CSMD1: variants seen among roughly 807,000 people sequenced by gnomAD.
The protein encoded by CSMD1 is CUB and sushi domain-containing protein 1.
A neutral mutation model predicts 417.5 loss-of-function variants in CSMD1; 213 were observed. That is an observed-to-expected ratio of 0.51 (90% CI 0.46 to 0.57). The LOEUF is 0.57. Among genes scored for constraint, CSMD1 ranks in the 20% least tolerant of loss-of-function variants. The probability of loss-of-function intolerance (pLI) is 0.00; values close to 1 mark genes in which losing one functional copy is unlikely to be tolerated. For synonymous variants in CSMD1, 2,862 were observed against 1,736.8 expected, an observed-to-expected ratio of 1.65 and a Z score of -16.11; for missense variants, 6,923 against 4,529.7, an observed-to-expected ratio of 1.53 and a Z score of -15.17.
intron 23 of CSMD1, among the ~76,000 whole-genome samples, chr8:3,311,175 G>C (rs1243532553): frequency 3.3e-5 from 5 of 152,158 alleles, no homozygotes; most frequent in Admixed American, 6.5e-5. Context: ...TATAGTTGTG[G>C]AAAATCATCT....
chr8:3,942,787 G>A (rs1810969526), intron 5 of CSMD1, among the ~76,000 whole-genome samples: 1 of 152,108 alleles, frequency 6.6e-6, no homozygotes, highest in South Asian at 2.1e-4. Flanking sequence ...AACAGTTACT[G>A]GGATAAGAAA....
chr8:4,180,023 T>C (rs1798265817), intron 3 of CSMD1, among the ~76,000 whole-genome samples: 1 of 152,066 alleles, frequency 6.6e-6, no homozygotes, highest in African/African-American at 2.4e-5. Flanking sequence ...AGTGTGGCGA[T>C]TCCTCAAGGA....
intron 5 of CSMD1, among the ~76,000 whole-genome samples, chr8:3,872,049 T>A (rs1194221460): frequency 6.6e-6 from 1 of 152,230 alleles, no homozygotes; most frequent in Non-Finnish European, 1.5e-5. Context: ...ATACATTATA[T>A]TGCTCTTTTA....
At chr8:3,131,152 A>G (rs12681200) in intron 41 of CSMD1, among the ~76,000 whole-genome samples, 7,696 of 152,238 alleles carry the variant, frequency 0.051, 522 homozygotes, top group East Asian at 0.37. Context: ...AAATATTCCT[A>G]CAAAAGTGCG....
chr8:4,838,672 G>C (rs1434584105), intron 1 of CSMD1, among the ~76,000 whole-genome samples: 1 of 152,200 alleles, frequency 6.6e-6, no homozygotes, highest in East Asian at 1.9e-4. Flanking sequence ...GGGATGAGAA[G>C]CATTTATAAG....
chr8:4,506,857 C>A (rs992420623), intron 2 of CSMD1, among the ~76,000 whole-genome samples: 2 of 152,094 alleles, frequency 1.3e-5, no homozygotes, highest in Non-Finnish European at 2.9e-5. Context: ...TATATTTGTA[C>A]GATTGATAAG....
intron 3 of CSMD1, among the ~76,000 whole-genome samples, chr8:4,235,065 C>T (rs1801964041): frequency 6.6e-6 from 1 of 152,112 alleles, no homozygotes; most frequent in Non-Finnish European, 1.5e-5. Context: ...CGCATTCCAT[C>T]CATAGGAGTC....
At chr8:4,488,771 C>A (rs1043791991) in intron 2 of CSMD1, among the ~76,000 whole-genome samples, 5 of 152,098 alleles carry the variant, frequency 3.3e-5, no homozygotes, top group Non-Finnish European at 7.4e-5. Flanking sequence ...GACCCGCGTC[C>A]TGCGTATCCA....
intron 7 of CSMD1, among the ~76,000 whole-genome samples, chr8:3,618,328 T>C (rs1802247024): frequency 6.6e-6 from 1 of 152,152 alleles, no homozygotes; most frequent in Non-Finnish European, 1.5e-5. Flanking sequence ...TACTACTAAA[T>C]GAGAATAAAT....
At chr8:4,453,429 A>C (rs1386995822) in intron 2 of CSMD1, among the ~76,000 whole-genome samples, 1 of 152,202 alleles carries the variant, frequency 6.6e-6, no homozygotes, top group African/African-American at 2.4e-5. Flanking sequence ...CTGGACAGTT[A>C]GTCACCCGTG....
chr8:4,776,501 A>G (rs545048501), intron 1 of CSMD1, among the ~76,000 whole-genome samples: 1 of 152,258 alleles, frequency 6.6e-6, no homozygotes, highest in South Asian at 2.1e-4. Context: ...AGGAACCAAC[A>G]GCGTCTCAGG....
At chr8:3,183,242 C>A (rs918883664) in intron 36 of CSMD1, 1 of 127,656 alleles carries the variant, frequency 7.8e-6, no homozygotes, top group African/African-American at 2.8e-5. Context: ...ACGATACCAT[C>A]GGCATCCATC....
At chr8:3,445,244 T>C (rs1254150601) in intron 12 of CSMD1, among the ~76,000 whole-genome samples, 1 of 152,156 alleles carries the variant, frequency 6.6e-6, no homozygotes, top group Non-Finnish European at 1.5e-5. Flanking sequence ...CTGGGTTACG[T>C]TCTCTGGGTT....
intron 11 of CSMD1, among the ~76,000 whole-genome samples, chr8:3,478,007 TG>T (rs1276952083): frequency 7.9e-5 from 12 of 152,212 alleles, no homozygotes; most frequent in African/African-American, 2.9e-4. Context: ...ATGTTAAAAC[TG>T]AAGATAATTC....
At chr8:4,358,853 T>G (rs548343315) in intron 3 of CSMD1, among the ~76,000 whole-genome samples, 1 of 152,060 alleles carries the variant, frequency 6.6e-6, no homozygotes, top group Non-Finnish European at 1.5e-5. Context: ...TCAAATAACT[T>G]TTAAACACGG....
chr8:3,255,361 C>T (rs570428355), intron 26 of CSMD1, among the ~76,000 whole-genome samples: 10 of 152,186 alleles, frequency 6.6e-5, no homozygotes, highest in Non-Finnish European at 1.5e-4. Context: ...AGATCTCAAG[C>T]TGTGTGCTGG....
intron 41 of CSMD1, chr8:3,129,013 G>C (rs1817655326): frequency 2.9e-6 from 1 of 344,914 alleles, no homozygotes; most frequent in Non-Finnish European, 5.7e-6. Context: ...TAAAACACTT[G>C]CTTAGCCAAC....
rs184174236 is a variant in CSMD1 at position 4,428,870 on chromosome 8, A to G, written c.303-8805T>C. Reference sequence around the variant, plus strand: ...AGTATCTGGGATTACAGGCACCACCACGTCCAGCTAATTTTTGCATTTTTA... The same window carrying G: ...AGTATCTGGGATTACAGGCACCACCGCGTCCAGCTAATTTTTGCATTTTTA... On this transcript the variant is annotated intron_variant, in intron 2 of 69. Transcript: ENST00000635120. Among the ~76,000 whole-genome samples the G allele has an allele frequency of 2.2e-3, 332 of 152,074 alleles. 2 individuals are homozygous for G. The highest frequency in any genetic ancestry group is 4.1e-3 in the Admixed American group (62 of 15,264).
chr8:4,076,145 C>G (rs1237970382), intron 3 of CSMD1, among the ~76,000 whole-genome samples: 1 of 152,176 alleles, frequency 6.6e-6, no homozygotes, highest in African/African-American at 2.4e-5. Flanking sequence ...GTAACTGAAT[C>G]ATGCGTGTGG....
Sources: allele counts gnomAD v4.1 joint callset (sites outside exome capture counted in the v4.1 genomes callset), GRCh38; gene constraint gnomAD v4.1.1; transcripts MANE v1.5; gene names NCBI Gene and HGNC (gene_info 2026-07-23, HGNC 2026-07-21).